ATP13A4: variants seen among roughly 807,000 people sequenced by gnomAD.
ATP13A4 encodes probable cation-transporting ATPase 13A4.
In ATP13A4, 114 loss-of-function variants were observed where a neutral mutation model predicts 142.5. The observed-to-expected ratio is 0.80, with a 90% CI of 0.69 to 0.93. The LOEUF (loss-of-function observed/expected upper bound fraction) is 0.93, where lower values mean the gene tolerates loss of function less well. Ranked by LOEUF, ATP13A4 falls within the 40% of genes least tolerant of loss-of-function variation. The probability of loss-of-function intolerance (pLI) is 0.00; values close to 1 mark genes in which losing one functional copy is unlikely to be tolerated. For missense variants in ATP13A4, 1,392 were observed against 1,454.0 expected, an observed-to-expected ratio of 0.96 and a Z score of 0.69; for synonymous variants, 488 against 514.8, an observed-to-expected ratio of 0.95 and a Z score of 0.70.
intron 1 of ATP13A4, among the ~76,000 whole-genome samples, chr3:193,583,658 G>GAA (rs35208142): frequency 1.4e-4 from 21 of 151,258 alleles, no homozygotes; most frequent in Admixed American, 5.9e-4. Context: ...ACAGGGACAA[G>GAA]AAAAAAAATC....
intron 1 of ATP13A4, among the ~76,000 whole-genome samples, chr3:193,524,220 G>T (rs1199032574): frequency 1.3e-5 from 2 of 152,184 alleles, no homozygotes; most frequent in Non-Finnish European, 2.9e-5. Context: ...AAGGGTGGGG[G>T]TATGGGAACC....
At chr3:193,427,711 T>C (rs1576949806) in intron 25 of ATP13A4, among the ~76,000 whole-genome samples, 1 of 152,150 alleles carries the variant, frequency 6.6e-6, no homozygotes, top group African/African-American at 2.4e-5. Context: ...ATTTAATAAA[T>C]GGTGCTGGGA....
chr3:193,466,198 C>T lies in ATP13A4; in HGVS notation c.1115-16G>A, dbSNP rs1718275199. 6.2e-7 allele frequency: 1 copy of T among 1,613,354 alleles called. No homozygotes were observed. Among genetic ancestry groups the T allele is most frequent in the Non-Finnish European group, 8.5e-7 (1 of 1,179,758 alleles). On this transcript the variant is annotated splice_polypyrimidine_tract_variant and intron_variant, in intron 10 of 29. Transcript: ENST00000342695. Reference sequence around the variant, plus strand: ...GTGTTGAATCCTGGAACAACAAACACACACCCCACACTCTCAGGAGACCAA... The same window carrying T: ...GTGTTGAATCCTGGAACAACAAACATACACCCCACACTCTCAGGAGACCAA...
intron 5 of ATP13A4, 137 bp from the exon 6 acceptor site, chr3:193,491,535 A>C: frequency 1.4e-6 from 1 of 701,922 alleles, no homozygotes; most frequent in Middle Eastern, 3.5e-4. Context: ...GTTAAATACC[A>C]TTCTGATCCT....
rs531350936 is a variant in ATP13A4, at chr3:193,446,715, T to TA, written c.2152+1490dup. Among the ~76,000 whole-genome samples, 719 of 152,014 alleles carry TA rather than the reference T, an allele frequency of 4.7e-3. 10 individuals carry two copies. Among genetic ancestry groups the TA allele is most frequent in the African/African-American group, 0.017 (688 of 41,496 alleles). On this transcript the variant is annotated intron_variant, in intron 18 of 29. Coordinates refer to ENST00000342695, the MANE Select transcript of ATP13A4 (RefSeq NM_032279.4). Reference sequence around the variant, plus strand: ...TAAAAAATAAAAATAAAAATTTTTCTAAAAGCGCTGTCCATGTTCCAGACT... The same window carrying TA: ...TAAAAAATAAAAATAAAAATTTTTCTAAAAAGCGCTGTCCATGTTCCAGACT...
chr3:193,401,393 TA>T lies in ATP13A4; in HGVS notation c.*1258del, dbSNP rs368191413. 0.012 allele frequency among the ~76,000 whole-genome samples: 1,783 copies of T among 149,942 alleles called. 37 individuals are homozygous for T. The highest frequency in any genetic ancestry group is 0.04 in the African/African-American group (1,646 of 40,942). On this transcript the variant is annotated 3_prime_UTR_variant, in exon 30 of 30. Coordinates refer to ENST00000342695, the MANE Select transcript of ATP13A4 (RefSeq NM_032279.4). ...TTCTGGAAACTCAAGCCACAAACTT[TA>T]AAAAAAAAATGTACTAGTTGTGTAA...
intron 25 of ATP13A4, among the ~76,000 whole-genome samples, chr3:193,418,103 CAG>C (rs796651907): frequency 1.4e-4 from 13 of 95,016 alleles, no homozygotes; most frequent in East Asian, 3.5e-4. Context: ...GCCTGGGCGA[CAG>C]AGCGAGACTC....
intron 25 of ATP13A4, among the ~76,000 whole-genome samples, chr3:193,423,412 A>G (rs547832058): frequency 2.0e-5 from 3 of 149,458 alleles, no homozygotes; most frequent in Non-Finnish European, 4.4e-5. Context: ...TATTTCTAGT[A>G]AATATAGATG....
chr3:193,465,090 G>A lies in ATP13A4; in HGVS notation c.1311C>T (p.Val437=). ...GAGCCGGAGGAACCGCAATTGTGATGACGTCAAGGGCTTTCCTCACCACCT... is the reference window on the plus strand; with the variant it reads ...GAGCCGGAGGAACCGCAATTGTGATAACGTCAAGGGCTTTCCTCACCACCT... ...PEEVVRKALD[V]ITIAVPPALP... is the part of the protein sequence containing the mutation. Residue 437 remains valine, a synonymous_variant, in exon 12 of 30, where the codon GTC becomes GTT. Coordinates refer to ENST00000342695, the MANE Select transcript of ATP13A4 (RefSeq NM_032279.4). The A allele has an allele frequency of 6.2e-7, 1 of 1,614,082 alleles. No homozygotes were observed.
rs117423134 is a variant in ATP13A4, at chr3:193,560,552, C to T, written n.291+21155G>A. 4.1e-3 allele frequency among the ~76,000 whole-genome samples: 624 copies of T among 152,312 alleles called. 3 individuals are homozygous for T. The highest frequency in any genetic ancestry group is 0.017 in the South Asian group (82 of 4,834). Reference sequence around the variant, plus strand: ...GGGATTAGAATAGGATACTTTGAAACAGTATCTCTAGAATATTTACGAGGA... The same window carrying T: ...GGGATTAGAATAGGATACTTTGAAATAGTATCTCTAGAATATTTACGAGGA... On this transcript the variant is annotated intron_variant and non_coding_transcript_variant, in intron 2 of 3. Coordinates refer to the ATP13A4 transcript ENST00000489140.
chr3:193,573,230 C>A (rs1389690511), intron 2 of ATP13A4, among the ~76,000 whole-genome samples: 2 of 132,212 alleles, frequency 1.5e-5, no homozygotes, highest in African/African-American at 6.1e-5. Context: ...TTAAGGAATA[C>A]CACAGATGAA....
chr3:193,451,398 G>A (rs1174457259), intron 17 of ATP13A4, among the ~76,000 whole-genome samples: 2 of 152,222 alleles, frequency 1.3e-5, no homozygotes, highest in Non-Finnish European at 2.9e-5. Context: ...ACAATAATCA[G>A]GAGGCTGGAG....
chr3:193,426,670 T>C (rs1193252045), intron 25 of ATP13A4, among the ~76,000 whole-genome samples: 1 of 151,896 alleles, frequency 6.6e-6, no homozygotes, highest in Non-Finnish European at 1.5e-5. Context: ...TGGAATAGAA[T>C]TGAGGGTCCA....
intron 1 of ATP13A4, among the ~76,000 whole-genome samples, chr3:193,523,301 T>C (rs1721823708): frequency 1.3e-5 from 2 of 149,366 alleles, no homozygotes; most frequent in African/African-American, 2.5e-5. Context: ...TGAAACTCCG[T>C]CTCAAAAAAA....
intron 8 of ATP13A4, among the ~76,000 whole-genome samples, chr3:193,481,894 C>A (rs1719316901): frequency 1.3e-5 from 2 of 152,012 alleles, no homozygotes; most frequent in African/African-American, 4.8e-5. Flanking sequence ...GCCTGTATTT[C>A]TATAAATTAT....
intron 25 of ATP13A4, among the ~76,000 whole-genome samples, chr3:193,431,569 T>G (rs1372325501): frequency 1.3e-5 from 2 of 151,860 alleles, no homozygotes; most frequent in African/African-American, 2.4e-5. Flanking sequence ...ACTACACATT[T>G]CTTTTCAGTA....
chr3:193,544,071 G>T (rs1213319573), intron 1 of ATP13A4, among the ~76,000 whole-genome samples: 1 of 152,196 alleles, frequency 6.6e-6, no homozygotes, highest in Non-Finnish European at 1.5e-5. Flanking sequence ...TAGGTCTGAA[G>T]GAGGTGACTA....
At chr3:193,476,514 TTC>T (rs2108652601) in intron 8 of ATP13A4, among the ~76,000 whole-genome samples, 1 of 152,232 alleles carries the variant, frequency 6.6e-6, no homozygotes, top group African/African-American at 2.4e-5. Flanking sequence ...GTGTGTTCAC[TTC>T]TGGAGAAGCG....
At chr3:193,592,988 A>C (rs1724884423) in intron 1 of ATP13A4, 2 of 239,992 alleles carry the variant, frequency 8.3e-6, no homozygotes, top group Non-Finnish European at 1.6e-5. Flanking sequence ...TTCCCGCCCA[A>C]CTCTCGCTCC....
Sources: gnomAD v4.1 joint callset for allele counts (sites outside exome capture counted in the v4.1 genomes callset) on GRCh38, gnomAD v4.1.1 for gene constraint, MANE v1.5 for transcripts, NCBI Gene and HGNC (gene_info 2026-07-23, HGNC 2026-07-21) for gene names.